Variants in LDLRAP1 observed in about 807,000 individuals in gnomAD.
The protein encoded by LDLRAP1 is low density lipoprotein receptor adapter protein 1.
Under a neutral mutation model 37.8 loss-of-function variants are expected in LDLRAP1, and 30 were observed. The ratio of observed to expected loss-of-function variants is 0.79; its 90% CI spans 0.59 to 1.08. LDLRAP1 has a LOEUF of 1.08. Among genes scored for constraint, LDLRAP1 ranks in the 50% least tolerant of loss-of-function variants. The pLI is 0.00. For missense variants in LDLRAP1, 375 were observed against 401.6 expected (o/e 0.93, Z 0.57); for synonymous variants, 156 against 169.8 (o/e 0.92, Z 0.63).
chr1:25,577,656 A>G, the LDLRAP1 span, among the ~76,000 whole-genome samples: 1 of 152,194 alleles, frequency 6.6e-6, no homozygotes, highest in African/African-American at 2.4e-5. Context: ...GTGTGAGGGA[A>G]GGCGGAGCAT....
chr1:25,583,407 G>C, the LDLRAP1 span, among the ~76,000 whole-genome samples: 1 of 151,904 alleles, frequency 6.6e-6, no homozygotes, highest in Non-Finnish European at 1.5e-5. Context: ...TGGCCAGGCT[G>C]GTCTCGAACT....
At chr1:25,563,897 C>G in intron 7 of LDLRAP1, 106 bp downstream of exon 7, 1 of 1,483,858 alleles carries the variant, frequency 6.7e-7, no homozygotes, top group Non-Finnish European at 9.3e-7. Flanking sequence ...TTGTGGGCCT[C>G]TGGGAGGACC....
chr1:25,572,674 T>G (rs11806326), downstream of LDLRAP1, among the ~76,000 whole-genome samples: 69,935 of 151,942 alleles, frequency 0.46, 16,228 homozygotes, highest in South Asian at 0.55. Context: ...TTCCACCGAC[T>G]CCATGCCCAG....
rs2044173623 is a variant in LDLRAP1, at chr1:25,555,315, C to T, written c.344+343C>T. 1.3e-5 allele frequency among the ~76,000 whole-genome samples: 2 copies of T among 152,200 alleles called. No individual in the cohort carries two copies. The highest frequency in any genetic ancestry group is 1.5e-5 in the Non-Finnish European group (1 of 68,026). On this transcript the variant is annotated intron_variant, in intron 3 of 8. Coordinates refer to ENST00000374338, the MANE Select transcript of LDLRAP1 (RefSeq NM_015627.3). The surrounding 1 kb of genome is among the most constrained non-coding windows in gnomAD (Gnocchi z 4.7). ...GAGCAGAGAACTGCAGAGTCACTGCCTTTTCCTTCTGCTGTGAATGCAGCA... is the reference window on the plus strand; with the variant it reads ...GAGCAGAGAACTGCAGAGTCACTGCTTTTTCCTTCTGCTGTGAATGCAGCA...
chr1:25,567,400 G>T lies in LDLRAP1; in HGVS notation c.*408G>T. The stretch of plus-strand genomic sequence containing the variant: ...TTCTAAGGACCCAAATTTCCCTGGG[G>T]GCATCCTGCTTCCTGAAAGCTGTTG... On this transcript the variant is annotated 3_prime_UTR_variant, in exon 9 of 9. Coordinates refer to ENST00000374338, the MANE Select transcript of LDLRAP1 (RefSeq NM_015627.3). 1 of 312,388 alleles carries T rather than the reference G, an allele frequency of 3.2e-6. No homozygotes were observed. The allele number at this position is 312,388 out of a possible 1,614,324, so 19.4% of individuals were successfully genotyped here. A position where few individuals can be genotyped will look rare whatever the true frequency, so the allele number is the denominator to read the frequency against.
chr1:25,580,384 A>C, the LDLRAP1 span, among the ~76,000 whole-genome samples: 1 of 152,198 alleles, frequency 6.6e-6, no homozygotes, highest in African/African-American at 2.4e-5. Flanking sequence ...AAACAAAAAA[A>C]TTAAATTAAA....
chr1:25,584,901 A>G, the LDLRAP1 span, among the ~76,000 whole-genome samples: 5 of 152,178 alleles, frequency 3.3e-5, no homozygotes, highest in Non-Finnish European at 7.4e-5. Context: ...CTATAACCCC[A>G]GCCTCATGTT....
At chr1:25,556,817 G>T (rs2044211672) in intron 3 of LDLRAP1, among the ~76,000 whole-genome samples, 1 of 152,230 alleles carries the variant, frequency 6.6e-6, no homozygotes, top group Admixed American at 6.5e-5. Flanking sequence ...ATCACATGAG[G>T]TGAGGTCTAG....
rs1221012312 is a variant in LDLRAP1, at chr1:25,555,712, A to G, written c.344+740A>G. On this transcript the variant is annotated intron_variant, in intron 3 of 8. Transcript: ENST00000374338. This position sits in a 1 kb window ranked among gnomAD's most constrained non-coding sequence, Gnocchi z 4.7. Reference sequence around the variant, plus strand: ...GCCCGTTGGTGCACAGGCCAGTAGTAGGGTCAGTAGATGTGTGTTGTGGGG... The same window carrying G: ...GCCCGTTGGTGCACAGGCCAGTAGTGGGGTCAGTAGATGTGTGTTGTGGGG... 6.6e-6 allele frequency among the ~76,000 whole-genome samples: 1 copy of G among 152,172 alleles called. No homozygotes were observed. Among genetic ancestry groups the G allele is most frequent in the Non-Finnish European group, 1.5e-5 (1 of 68,038 alleles).
chr1:25,588,468 C>T, the LDLRAP1 span, among the ~76,000 whole-genome samples: 1 of 152,216 alleles, frequency 6.6e-6, no homozygotes, highest in Non-Finnish European at 1.5e-5. Flanking sequence ...CAATACTGCT[C>T]TTGAAGGCAT....
the LDLRAP1 span, among the ~76,000 whole-genome samples, chr1:25,584,133 T>A: frequency 1.3e-5 from 2 of 151,956 alleles, no homozygotes; most frequent in African/African-American, 4.8e-5. Flanking sequence ...GTCTGAACGC[T>A]GGCTCTGTGG....
the LDLRAP1 span, among the ~76,000 whole-genome samples, chr1:25,581,025 A>G: frequency 2.0e-5 from 3 of 152,170 alleles, no homozygotes; most frequent in Non-Finnish European, 2.9e-5. Flanking sequence ...AAAAGCAGGA[A>G]GGGCCTGTCT....
chr1:25,587,739 A>G, the LDLRAP1 span, among the ~76,000 whole-genome samples: 2 of 152,172 alleles, frequency 1.3e-5, no homozygotes, highest in African/African-American at 4.8e-5. Context: ...GAGAACTGCT[A>G]TCCACGGTGG....
chr1:25,550,651 G>A (rs111729729), intron 1 of LDLRAP1, among the ~76,000 whole-genome samples: 2,641 of 152,262 alleles, frequency 0.017, 82 homozygotes, highest in African/African-American at 0.061. Flanking sequence ...TGGACTGGGT[G>A]GGGTGAGGAG....
the LDLRAP1 span, among the ~76,000 whole-genome samples, chr1:25,583,156 A>G: frequency 6.7e-6 from 1 of 148,838 alleles, no homozygotes; most frequent in Non-Finnish European, 1.5e-5. Flanking sequence ...GCTCCTCTGT[A>G]GGTGAGGTGT....
At chr1:25,587,353 C>T in the LDLRAP1 span, among the ~76,000 whole-genome samples, 4 of 152,030 alleles carry the variant, frequency 2.6e-5, no homozygotes, top group Non-Finnish European at 5.9e-5. Context: ...AGGGTCTTAC[C>T]ATGTTGCCCA....
At chr1:25,582,294 A>G in the LDLRAP1 span, among the ~76,000 whole-genome samples, 1 of 152,232 alleles carries the variant, frequency 6.6e-6, no homozygotes, top group East Asian at 1.9e-4. Context: ...TCAAAAAATT[A>G]TGGTAGAATG....
the LDLRAP1 span, chr1:25,581,328 G>T: frequency 6.6e-6 from 1 of 152,198 alleles, no homozygotes; most frequent in African/African-American, 2.4e-5. Context: ...AGAGGAGAGG[G>T]TTTCTGAAAA....
At chr1:25,573,941 C>A in the LDLRAP1 span, among the ~76,000 whole-genome samples, 1 of 152,214 alleles carries the variant, frequency 6.6e-6, no homozygotes, top group Non-Finnish European at 1.5e-5. Flanking sequence ...ATGGAGCTGA[C>A]GCTCCCCCAA....
Sources: allele counts gnomAD v4.1 joint callset (sites outside exome capture counted in the v4.1 genomes callset), GRCh38; gene constraint gnomAD v4.1.1; non-coding constraint Gnocchi (gnomAD v3.1); transcripts MANE v1.5; gene names NCBI Gene and HGNC (gene_info 2026-07-23, HGNC 2026-07-21).